SIPA1L1: variants seen among roughly 807,000 people sequenced by gnomAD.
The protein encoded by SIPA1L1 is signal induced proliferation associated 1 like 1.
A neutral mutation model predicts 162.7 loss-of-function variants in SIPA1L1; 26 were observed. The ratio of observed to expected loss-of-function variants is 0.16; its 90% CI spans 0.12 to 0.22. The LOEUF (loss-of-function observed/expected upper bound fraction) is 0.22. SIPA1L1 is among the 10% of genes least tolerant of loss of function. SIPA1L1 has a pLI of 1.00. For synonymous variants in SIPA1L1, 829 were observed against 837.4 expected, an observed-to-expected ratio of 0.99 and a Z score of 0.17; for missense variants, 1,874 against 2,241.0, an observed-to-expected ratio of 0.84 and a Z score of 3.31.
chr14:71,420,172 G>A (rs986084438), intron 2 of SIPA1L1, among the ~76,000 whole-genome samples: 2 of 152,142 alleles, frequency 1.3e-5, no homozygotes, highest in African/African-American at 4.8e-5. Context: ...ATTTTGCTTA[G>A]TATTAGCCAG....
intron 8 of SIPA1L1, among the ~76,000 whole-genome samples, chr14:71,657,922 G>A (rs908140674): frequency 3.3e-5 from 5 of 151,862 alleles, no homozygotes; most frequent in African/African-American, 7.3e-5. Flanking sequence ...AGATATTTTC[G>A]TATTATATTA....
At chr14:71,390,409 A>G (rs187972487) in intron 2 of SIPA1L1, among the ~76,000 whole-genome samples, 20 of 152,282 alleles carry the variant, frequency 1.3e-4, no homozygotes, top group Middle Eastern at 3.4e-3. Context: ...ACTTAATATT[A>G]TGAGCATTTT....
chr14:71,707,994 G>A (rs1273142473), intron 16 of SIPA1L1, among the ~76,000 whole-genome samples: 1 of 100,392 alleles, frequency 1.0e-5, no homozygotes, highest in Non-Finnish European at 2.1e-5. Flanking sequence ...TGATGTGCTT[G>A]TTGGACATTT....
At chr14:71,486,335 C>T (rs2048754674) in intron 2 of SIPA1L1, among the ~76,000 whole-genome samples, 1 of 152,258 alleles carries the variant, frequency 6.6e-6, no homozygotes, top group Non-Finnish European at 1.5e-5. Context: ...AGGACACAGG[C>T]TCCTGGCTTT....
At chr14:71,327,198 A>C (rs563964165) in intron 2 of SIPA1L1, among the ~76,000 whole-genome samples, 229 of 149,898 alleles carry the variant, frequency 1.5e-3, no homozygotes, top group Non-Finnish European at 2.5e-3. Flanking sequence ...TTCTCCTGCA[A>C]CAGCCTCCTG....
chr14:71,391,103 C>CTTTTT (rs36003254), intron 2 of SIPA1L1, among the ~76,000 whole-genome samples: 9 of 108,446 alleles, frequency 8.3e-5, no homozygotes, highest in African/African-American at 1.4e-4. Context: ...TATTCAGTAT[C>CTTTTT]TTTTTTTTTT....
intron 9 of SIPA1L1, among the ~76,000 whole-genome samples, chr14:71,660,027 AG>A (rs2043375010): frequency 6.6e-6 from 1 of 152,174 alleles, no homozygotes; most frequent in East Asian, 1.9e-4. Context: ...ATGTAGTATA[AG>A]ATGGAAAAAT....
At chr14:71,563,965 T>TA (rs2056991075) in intron 4 of SIPA1L1, among the ~76,000 whole-genome samples, 2 of 152,230 alleles carry the variant, frequency 1.3e-5, no homozygotes, top group Non-Finnish European at 2.9e-5. Flanking sequence ...TTTTTTATTT[T>TA]TAAAAAACTG....
In SIPA1L1 at chr14:71,409,956, G is replaced by A. The variant is rs560058081; in HGVS notation, c.-465+88775G>A. Among the ~76,000 whole-genome samples, 167 of 152,222 alleles carry A rather than the reference G, an allele frequency of 1.1e-3. 2 individuals are homozygous for A. The highest frequency in any genetic ancestry group is 3.9e-3 in the African/African-American group (162 of 41,534). The stretch of plus-strand genomic sequence containing the variant: ...GGGCTGCCTTGTCTTGAAACTACCC[G>A]ACCATGGTGGCCTTCCTGTGATTAT... On this transcript the variant is annotated intron_variant, in intron 2 of 23. Transcript: ENST00000381232.
At chr14:71,466,178 A>G (rs1288595617) in intron 2 of SIPA1L1, among the ~76,000 whole-genome samples, 1 of 152,062 alleles carries the variant, frequency 6.6e-6, no homozygotes, top group Non-Finnish European at 1.5e-5. Context: ...GGGTGTTTTG[A>G]GCAGGGCAGA....
chr14:71,481,097 A>G (rs1210278658), intron 2 of SIPA1L1, among the ~76,000 whole-genome samples: 1 of 152,180 alleles, frequency 6.6e-6, no homozygotes, highest in Non-Finnish European at 1.5e-5. Context: ...TAAGTCTTTT[A>G]TATCCAATTA....
intron 2 of SIPA1L1, among the ~76,000 whole-genome samples, chr14:71,370,271 C>T (rs1004637289): frequency 2.6e-5 from 4 of 151,480 alleles, no homozygotes; most frequent in Non-Finnish European, 5.9e-5. Context: ...CCAGTTTTTG[C>T]CCATTCAGTA....
chr14:71,685,698 A>C, intron 13 of SIPA1L1, 67 bp downstream of exon 13: 3 of 1,568,232 alleles, frequency 1.9e-6, no homozygotes, highest in Non-Finnish European at 2.6e-6. Flanking sequence ...CAGACCCATA[A>C]GCACTAGTTT....
At chr14:71,669,630 A>G (rs896726597) in intron 10 of SIPA1L1, among the ~76,000 whole-genome samples, 27 of 152,216 alleles carry the variant, frequency 1.8e-4, no homozygotes, top group African/African-American at 4.8e-5. Flanking sequence ...GCAGTTCACA[A>G]TAGACAAGAA....
chr14:71,425,613 A>C (rs2043503229), intron 2 of SIPA1L1, among the ~76,000 whole-genome samples: 1 of 152,124 alleles, frequency 6.6e-6, no homozygotes, highest in South Asian at 2.1e-4. Flanking sequence ...GTTGAGACTT[A>C]ATTTGTGGCT....
intron 8 of SIPA1L1, among the ~76,000 whole-genome samples, chr14:71,654,490 G>A (rs79228998): frequency 2.3e-3 from 345 of 152,294 alleles, no homozygotes; most frequent in Admixed American, 5.0e-3. Flanking sequence ...AGACTTAGAA[G>A]CCGTTTGTAA....
Position 71,709,557 on chromosome 14 carries a change from A to G in SIPA1L1, c.4101A>G (p.Thr1367=). Residue 1367 remains threonine (T), a synonymous_variant, in exon 17 of 24, where the codon ACA becomes ACG. Coordinates refer to ENST00000381232, the MANE Select transcript of SIPA1L1 (RefSeq NM_001386936.1). ...AGAGCCACGGCCTGGACCGGAAAAC[A>G]GAGTCTTCCCTGAGCTTAGACATAC... ...ETESHGLDRK[T]ESSLSLDIHS... The G allele has an allele frequency of 6.2e-7, 1 of 1,614,176 alleles. No individual in the cohort carries two copies. The highest frequency in any genetic ancestry group is 1.1e-5 in the South Asian group (1 of 91,080).
chr14:71,684,737 C>T (rs1242203417), intron 12 of SIPA1L1, among the ~76,000 whole-genome samples: 2 of 151,742 alleles, frequency 1.3e-5, no homozygotes, highest in Non-Finnish European at 2.9e-5. Context: ...TTTTGGAGCC[C>T]AGTCAAGATG....
At chr14:71,456,128 G>A (rs772278700) in intron 2 of SIPA1L1, among the ~76,000 whole-genome samples, 69 of 152,172 alleles carry the variant, frequency 4.5e-4, no homozygotes, top group Non-Finnish European at 1.9e-4. Flanking sequence ...CAGAACCCTG[G>A]TGTTGAGATA....
Sources: gnomAD v4.1 joint callset for allele counts (sites outside exome capture counted in the v4.1 genomes callset) on GRCh38, gnomAD v4.1.1 for gene constraint, MANE v1.5 for transcripts, NCBI Gene and HGNC (gene_info 2026-07-23, HGNC 2026-07-21) for gene names.